Variants in EXOC4 observed in about 807,000 individuals in gnomAD.
EXOC4 encodes SEC8-like 1.
In EXOC4, 71 loss-of-function variants were observed where a neutral mutation model predicts 107.2. The observed-to-expected ratio is 0.66, with a 90% CI of 0.55 to 0.81. EXOC4 has a LOEUF of 0.81. Ranked by LOEUF, EXOC4 falls within the 30% of genes least tolerant of loss-of-function variation. The pLI is 0.00. For missense variants in EXOC4, 1,108 were observed against 1,189.6 expected (o/e 0.93, Z 1.01); for synonymous variants, 456 against 441.2 (o/e 1.03, Z -0.42).
intron 11 of EXOC4, among the ~76,000 whole-genome samples, chr7:133,881,795 C>A (rs984681735): frequency 1.3e-5 from 2 of 152,146 alleles, no homozygotes; most frequent in African/African-American, 4.8e-5. Context: ...GTATTGCCAA[C>A]AATACTGCTA....
intron 10 of EXOC4, among the ~76,000 whole-genome samples, chr7:133,749,777 A>G (rs777578897): frequency 6.6e-5 from 10 of 152,128 alleles, no homozygotes; most frequent in Non-Finnish European, 1.0e-4. Context: ...TAAAATTTCA[A>G]TTCAAGCACT....
chr7:133,328,150 T>C (rs775591474), intron 5 of EXOC4, among the ~76,000 whole-genome samples: 3 of 152,202 alleles, frequency 2.0e-5, no homozygotes, highest in Non-Finnish European at 2.9e-5. Context: ...GATAGTTAGC[T>C]CTTCTTGTTG....
At chr7:133,613,131 TGA>T (rs1802110290) in intron 9 of EXOC4, among the ~76,000 whole-genome samples, 1 of 152,170 alleles carries the variant, frequency 6.6e-6, no homozygotes, top group South Asian at 2.1e-4. Context: ...AACTATATAT[TGA>T]TATTAGTCTA....
chr7:133,915,015 G>A lies in EXOC4; in HGVS notation c.1872-2568G>A, dbSNP rs1325541992. Among the ~76,000 whole-genome samples the A allele has an allele frequency of 2.0e-5, 3 of 152,290 alleles. No individual in the cohort carries two copies. The East Asian group carries it at 5.8e-4, about 29-fold the overall frequency. On this transcript the variant is annotated intron_variant, in intron 12 of 17. Coordinates refer to ENST00000253861, the MANE Select transcript of EXOC4 (RefSeq NM_021807.4). ...ACAGTTTGGAAGGGAAAAGCCAGTA[G>A]ATTTGTAAAAGAGGCAAATAGAAAA...
At chr7:133,476,060 A>G (rs1335872145) in intron 8 of EXOC4, among the ~76,000 whole-genome samples, 1 of 152,156 alleles carries the variant, frequency 6.6e-6, no homozygotes, top group South Asian at 2.1e-4. Flanking sequence ...AGTGTTTCCT[A>G]GGTATCAGGC....
At chr7:133,560,809 A>G (rs144299789) in intron 9 of EXOC4, among the ~76,000 whole-genome samples, 198 of 152,312 alleles carry the variant, frequency 1.3e-3, no homozygotes, top group Middle Eastern at 3.4e-3. Context: ...CTGTATATAC[A>G]TTTAGGCATA....
intron 14 of EXOC4, among the ~76,000 whole-genome samples, chr7:133,970,218 T>A (rs1167853920): frequency 6.6e-6 from 1 of 152,122 alleles, no homozygotes; most frequent in Non-Finnish European, 1.5e-5. Context: ...GTGTCCCAGG[T>A]CGACTTCAGA....
intron 7 of EXOC4, among the ~76,000 whole-genome samples, chr7:133,399,950 A>G (rs1489083335): frequency 6.6e-6 from 1 of 152,220 alleles, no homozygotes; most frequent in South Asian, 2.1e-4. Context: ...TAGAGGTCAG[A>G]TATCTAAGGA....
At chr7:133,449,510 T>G (rs552917569) in intron 7 of EXOC4, among the ~76,000 whole-genome samples, 2 of 152,294 alleles carry the variant, frequency 1.3e-5, no homozygotes, top group African/African-American at 4.8e-5. Context: ...AATACACTGT[T>G]TTTTCTTTAA....
rs538514242 is a variant in EXOC4, at chr7:133,659,700, C to G, written c.1514+29559C>G. ...TTTTGAGCAGGCTCTTAGGTGATTT[C>G]TATACATATTGAAGTTTACAACCTG... On this transcript the variant is annotated intron_variant, in intron 10 of 17. Transcript: ENST00000253861. Among the ~76,000 whole-genome samples the G allele has an allele frequency of 8.5e-5, 13 of 152,224 alleles. No individual in the cohort carries two copies. In the South Asian group the frequency reaches 1.9e-3, roughly 22 times the overall value.
chr7:133,475,491 G>A lies in EXOC4; in HGVS notation c.1328+18G>A, dbSNP rs987879396. ...CTTTTCAAGTAAGTATTATTCTGCT[G>A]TTAATAGGTTTTAAGAATTGTTAGA... On this transcript the variant is annotated intron_variant, in intron 8 of 17. Transcript: ENST00000253861. 1.4e-5 allele frequency: 22 copies of A among 1,608,704 alleles called. No homozygotes were observed. The highest frequency in any genetic ancestry group is 1.9e-5 in the Non-Finnish European group (22 of 1,176,568).
intron 7 of EXOC4, among the ~76,000 whole-genome samples, chr7:133,474,346 C>T (rs1563079266): frequency 1.3e-5 from 2 of 152,118 alleles, no homozygotes; most frequent in African/African-American, 2.4e-5. Context: ...GACGGAGTCT[C>T]ACCCTGTTGC....
chr7:133,917,381 A>T (rs1585246934), intron 12 of EXOC4, among the ~76,000 whole-genome samples: 1 of 152,340 alleles, frequency 6.6e-6, no homozygotes, highest in Admixed American at 6.5e-5. Context: ...AACAACTAAG[A>T]AACTAAGAAT....
In EXOC4 at chr7:133,777,651, G is replaced by A. The variant is rs551346963; in HGVS notation, c.1515-39674G>A. 3.3e-5 allele frequency among the ~76,000 whole-genome samples: 5 copies of A among 152,258 alleles called. No individual in the cohort carries two copies. In the East Asian group the frequency reaches 9.6e-4, roughly 29 times the overall value. ...GATGCGAGATGGCAGCACATAGTTG[G>A]GAATGCAGACTATCTGGGTTCAAAT... is the stretch of plus-strand genomic sequence containing the variant. On this transcript the variant is annotated intron_variant, in intron 10 of 17. Transcript: ENST00000253861.
At chr7:133,871,261 G>A (rs1266375929) in intron 11 of EXOC4, among the ~76,000 whole-genome samples, 1 of 151,746 alleles carries the variant, frequency 6.6e-6, no homozygotes, top group Non-Finnish European at 1.5e-5. Context: ...TAAGTTCAGT[G>A]ACATCTCGGT....
chr7:133,437,769 C>G (rs1798009480), intron 7 of EXOC4, among the ~76,000 whole-genome samples: 1 of 152,108 alleles, frequency 6.6e-6, no homozygotes, highest in African/African-American at 2.4e-5. Context: ...GTCAAGTGTT[C>G]CCCATCTGCT....
intron 9 of EXOC4, among the ~76,000 whole-genome samples, chr7:133,484,493 C>A (rs1389417444): frequency 2.6e-5 from 4 of 151,992 alleles, no homozygotes; most frequent in Non-Finnish European, 4.4e-5. Flanking sequence ...ATGTATAATT[C>A]TTCAGGGGAA....
chr7:133,267,041 G>A (rs1793746907), intron 1 of EXOC4, among the ~76,000 whole-genome samples: 3 of 152,044 alleles, frequency 2.0e-5, no homozygotes, highest in Admixed American at 2.0e-4. Flanking sequence ...TTATTTGGTG[G>A]TGTTTAGCCC....
intron 11 of EXOC4, among the ~76,000 whole-genome samples, chr7:133,847,037 T>C (rs1306464774): frequency 6.6e-6 from 1 of 152,246 alleles, no homozygotes; most frequent in Middle Eastern, 3.2e-3. Context: ...ATTTAACACA[T>C]TATACATATT....
Sources: allele counts gnomAD v4.1 joint callset (sites outside exome capture counted in the v4.1 genomes callset), GRCh38; gene constraint gnomAD v4.1.1; transcripts MANE v1.5; gene names NCBI Gene and HGNC (gene_info 2026-07-23, HGNC 2026-07-21).